The following GCN1 variants were observed in gnomAD, a reference collection of about 807,000 sequenced individuals.
GCN1 encodes GCN1 activator of EIF2AK4, also known as stalled ribosome sensor GCN1.
A neutral mutation model predicts 288.4 loss-of-function variants in GCN1; 90 were observed. That is an observed-to-expected ratio of 0.31 (90% confidence interval 0.26 to 0.37). The LOEUF is 0.37. GCN1 is among the 10% of genes least tolerant of loss of function. The pLI, the probability that GCN1 is intolerant of heterozygous loss-of-function variation, is 1.00. For missense variants in GCN1, 2,586 were observed against 3,419.9 expected (o/e 0.76, Z 6.08); for synonymous variants, 1,386 against 1,420.2 (o/e 0.98, Z 0.54).
Position 120,156,942 on chromosome 12 carries a change from C to T in GCN1, c.3138G>A (p.Trp1046Ter). The change falls in exon 27 of 58, where the codon TGG becomes TGA. Residue 1046 changes from tryptophan to a stop codon, truncating the protein, a stop_gained. Coordinates refer to ENST00000300648, the MANE Select transcript of GCN1 (RefSeq NM_006836.2). LOFTEE classifies it high-confidence loss of function. The surrounding 1 kb of genome is among the most constrained non-coding windows in gnomAD (Gnocchi z 5.8). ...AGCGAGGCGAGCCCGTCCCGATCAC[C>T]CAAGTCAGAAGACGCAGCATGGCCA... ...PRVAMLRLLTWVIGTGSPRLQ... is the reference protein window; with the variant it reads ...PRVAMLRLLT 1 of 1,613,200 alleles carries T rather than the reference C, an allele frequency of 6.2e-7. No individual in the cohort carries two copies. The highest frequency in any genetic ancestry group is 8.5e-7 in the Non-Finnish European group (1 of 1,179,282).
At position 120,162,007 on chromosome 12, in the gene GCN1, G is replaced by A; in HGVS notation, c.2215C>T (p.Leu739Phe). ...GTGATGGTGCTGATGAGCTGTGGGA[G>A]GACCCGGTCCGGCGACAGGACGGAA... ...SLSVLSPDRV[L>F]PQLISTITAS... is the part of the protein sequence containing the mutation. Residue 739 changes from leucine to phenylalanine, a missense_variant, in exon 21 of 58, where the codon CTC becomes TTC. Around this residue, in one of 8 missense-constraint regions of GCN1, gnomAD observed 913 missense variants for 1,107.0 expected, o/e 0.82. Transcript: ENST00000300648. The A allele has an allele frequency of 6.2e-7, 1 of 1,613,828 alleles. No homozygotes were observed. Among genetic ancestry groups the A allele is most frequent in the Non-Finnish European group, 8.5e-7 (1 of 1,180,020 alleles).
Position 120,127,635 on chromosome 12 carries a change from T to C in GCN1, c.*214A>G. On this transcript the variant is annotated 3_prime_UTR_variant, in exon 58 of 58. Coordinates refer to ENST00000300648, the MANE Select transcript of GCN1 (RefSeq NM_006836.2). The stretch of plus-strand genomic sequence containing the variant: ...TTGCTGAGGCGCATGCGTGTGCTTT[T>C]CCTTCTCTTCTCCACAGGAAAAGGT... 1.7e-6 allele frequency: 1 copy of C among 573,218 alleles called. No individual in the cohort carries two copies. The highest frequency in any genetic ancestry group is 3.1e-5 in the East Asian group (1 of 32,596). The allele number at this position is 573,218 out of a possible 1,614,324, so 35.5% of individuals were successfully genotyped here.
chr12:120,177,441 A>G lies in GCN1; in HGVS notation c.838+6T>C, dbSNP rs1231069886. 2 of 1,444,422 alleles carry G rather than the reference A, an allele frequency of 1.4e-6. No homozygotes were observed. The highest frequency in any genetic ancestry group is 1.9e-6 in the Non-Finnish European group (2 of 1,026,308). The allele number at this position is 1,444,422 out of a possible 1,614,324, so 89.5% of individuals were successfully genotyped here. On this transcript the variant is annotated splice_donor_region_variant and intron_variant, in intron 9 of 57. Coordinates refer to ENST00000300648, the MANE Select transcript of GCN1 (RefSeq NM_006836.2). ...CCTCCCACCATCCTGGTTGACAGCAACCTACTTTCAATAACATTCTCTGGA... is the reference window on the plus strand; with the variant it reads ...CCTCCCACCATCCTGGTTGACAGCAGCCTACTTTCAATAACATTCTCTGGA...
chr12:120,161,212 T>G (rs943087278), intron 22 of GCN1, among the ~76,000 whole-genome samples: 2 of 152,114 alleles, frequency 1.3e-5, no homozygotes, highest in Admixed American at 6.6e-5. Flanking sequence ...GGGACAGACA[T>G]GGAATCCAGC....
Position 120,142,538 on chromosome 12 carries a change from A to G in GCN1, c.5798T>C (p.Phe1933Ser). The G allele has an allele frequency of 6.2e-7, 1 of 1,613,982 alleles. No individual in the cohort carries two copies. The highest frequency in any genetic ancestry group is 8.5e-7 in the Non-Finnish European group (1 of 1,179,972). ...LPTLFGLLLG[F>S]LASTCADKRT... ...CTTATCTGCACACGTGCTGGCCAGG[A>G]AACCCAGCAGGAGCCCAAAGAGAGT... Residue 1933 changes from phenylalanine (F) to serine (S), a missense_variant, in exon 44 of 58, where the codon TTC becomes TCC. Coordinates refer to ENST00000300648, the MANE Select transcript of GCN1 (RefSeq NM_006836.2). This position sits in a 1 kb window ranked among gnomAD's most constrained non-coding sequence, Gnocchi z 4.9.
chr12:120,132,310 T>C (rs957612774), intron 53 of GCN1, among the ~76,000 whole-genome samples: 1 of 152,174 alleles, frequency 6.6e-6, no homozygotes, highest in Non-Finnish European at 1.5e-5. Context: ...AATAACTGTA[T>C]TTACATAGCA....
chr12:120,138,075 ATACTGTGCCAGG>A, intron 47 of GCN1, 31 bp from the exon 48 acceptor site: 1 of 1,587,818 alleles, frequency 6.3e-7, no homozygotes, highest in African/African-American at 1.3e-5. Context: ...AACTCAGTGA[ATACTGTGCCAGG>A]TGCTGCGCTA....
rs758298508 is a variant in GCN1, at chr12:120,168,311, C to T, written c.1520-11G>A. 6.6e-7 allele frequency: 1 copy of T among 1,505,278 alleles called. No homozygotes were observed. Among genetic ancestry groups the T allele is most frequent in the Non-Finnish European group, 9.3e-7 (1 of 1,080,634 alleles). The allele number at this position is 1,505,278 out of a possible 1,614,324, so 93.2% of individuals were successfully genotyped here. On this transcript the variant is annotated splice_polypyrimidine_tract_variant and intron_variant, in intron 15 of 57. Transcript: ENST00000300648. ...TGCTCAGTTTGGCCTCTGCAAGAAA[C>T]AAAAGGTTACCCCACGACGCAGCTC... is the stretch of plus-strand genomic sequence containing the variant.
At chr12:120,168,460 T>C (rs1466909060) in intron 15 of GCN1, 160 bp from the exon 16 acceptor site, 2 of 603,968 alleles carry the variant, frequency 3.3e-6, no homozygotes, top group Middle Eastern at 3.3e-4. Flanking sequence ...TCAGTCCTTC[T>C]GGTATCACCT....
In GCN1 at chr12:120,142,964, A is replaced by T. The variant is rs1278872910; in HGVS notation, c.5496-23T>A. 1 of 1,423,670 alleles carries T rather than the reference A, an allele frequency of 7.0e-7. No homozygotes were observed. The highest frequency in any genetic ancestry group is 1.4e-5 in the African/African-American group (1 of 71,318). The allele number at this position is 1,423,670 out of a possible 1,614,324, so 88.2% of individuals were successfully genotyped here. ...AACCTGAGAAGGAGGCCAACAACAC[A>T]GTCACACAGCTGCAAGGAGTGGGCT... On this transcript the variant is annotated intron_variant, in intron 42 of 57. Transcript: ENST00000300648. This position sits in a 1 kb window ranked among gnomAD's most constrained non-coding sequence, Gnocchi z 4.9.
chr12:120,128,338 CT>C lies in GCN1; in HGVS notation c.7891-365del, dbSNP rs111527973. Among the ~76,000 whole-genome samples, 727 of 141,050 alleles carry C rather than the reference CT, an allele frequency of 5.2e-3. 2 individuals are homozygous for C. Among genetic ancestry groups the C allele is most frequent in the African/African-American group, 9.4e-3 (364 of 38,804 alleles). The allele number at this position is 141,050 out of a possible 152,430, so 92.5% of individuals were successfully genotyped here. ...GGCAGTGGGAGTTGCAGCTTTTGGGCTTTTTTTTTTTTTGGAGATGGAGTTT... is the reference window on the plus strand; with the variant it reads ...GGCAGTGGGAGTTGCAGCTTTTGGGCTTTTTTTTTTTTGGAGATGGAGTTT... On this transcript the variant is annotated intron_variant, in intron 57 of 57. Coordinates refer to ENST00000300648, the MANE Select transcript of GCN1 (RefSeq NM_006836.2).
In GCN1 at chr12:120,137,130, C is replaced by T. The variant is rs867705871; in HGVS notation, c.6777+76G>A. On this transcript the variant is annotated intron_variant, in intron 50 of 57. Transcript: ENST00000300648. The surrounding 1 kb of genome is among the most constrained non-coding windows in gnomAD (Gnocchi z 5.2). Reference sequence around the variant, plus strand: ...CTGCTCCAGCAGCCCCTACCGCAGACCTGGGACAGGGGTAAGGGCCAGAAG... The same window carrying T: ...CTGCTCCAGCAGCCCCTACCGCAGATCTGGGACAGGGGTAAGGGCCAGAAG... The T allele has an allele frequency of 9.5e-6, 10 of 1,055,204 alleles. No homozygotes were observed. The South Asian group carries it at 1.1e-4, about 12-fold the overall frequency. The allele number at this position is 1,055,204 out of a possible 1,614,324, so 65.4% of individuals were successfully genotyped here.
intron 15 of GCN1, among the ~76,000 whole-genome samples, chr12:120,169,091 T>C (rs1878226216): frequency 6.6e-6 from 1 of 152,122 alleles, no homozygotes; most frequent in African/African-American, 2.4e-5. Flanking sequence ...GTGAGGAGAT[T>C]GAGACCATCC....
rs1230533864 is a variant in GCN1 at position 120,158,502 on chromosome 12, G to A, written c.2863C>T (p.His955Tyr). The change falls in exon 25 of 58, where the codon CAC becomes TAC. Residue 955 changes from histidine (H) to tyrosine (Y), a missense_variant. His to Tyr is a moderately conservative substitution (Grantham distance 83, BLOSUM62 2). Around this residue, in one of 8 missense-constraint regions of GCN1, gnomAD observed 153 missense variants for 252.0 expected, o/e 0.61. Transcript: ENST00000300648. This position sits in a 1 kb window ranked among gnomAD's most constrained non-coding sequence, Gnocchi z 4.3. ...VAVKRAVMLL[H>Y]THTITSRVGK... ...ACCCTGCTGGTGATGGTGTGGGTGTGCAGCAGCATCACCGCCCTCTTCACA... is the reference window on the plus strand; with the variant it reads ...ACCCTGCTGGTGATGGTGTGGGTGTACAGCAGCATCACCGCCCTCTTCACA... 2 of 1,565,848 alleles carry A rather than the reference G, an allele frequency of 1.3e-6. No individual in the cohort carries two copies. The highest frequency in any genetic ancestry group is 1.9e-5 in the Admixed American group (1 of 52,606).
intron 5 of GCN1, among the ~76,000 whole-genome samples, 199 bp from the exon 6 acceptor site, chr12:120,179,149 A>G (rs973805770): frequency 6.6e-6 from 1 of 151,918 alleles, no homozygotes; most frequent in African/African-American, 2.4e-5. Flanking sequence ...CACTGTTCCC[A>G]CTAGTGTTCG....
rs1354026280 is a variant in GCN1 at position 120,137,437 on chromosome 12, G to A, written c.6663+108C>T. 1.2e-5 allele frequency: 17 copies of A among 1,419,846 alleles called. No individual in the cohort carries two copies. The highest frequency in any genetic ancestry group is 2.8e-5 in the African/African-American group (2 of 70,922). 88.0% of individuals were successfully genotyped at this position (1,419,846 alleles called of 1,614,324 possible). ...CAAGACTTGCCACGAGTGGGTAAAC[G>A]CCGAAGCTGAGTGACAGGTACGTGG... On this transcript the variant is annotated intron_variant, in intron 49 of 57. Transcript: ENST00000300648. The surrounding 1 kb of genome is among the most constrained non-coding windows in gnomAD (Gnocchi z 5.2).
At position 120,178,718 on chromosome 12, in the gene GCN1, G is replaced by A. The variant is rs1255003329; in HGVS notation, c.567C>T (p.Ser189=). The A allele has an allele frequency of 1.2e-6, 2 of 1,614,170 alleles. No homozygotes were observed. Among genetic ancestry groups the A allele is most frequent in the Non-Finnish European group, 1.7e-6 (2 of 1,179,952 alleles). Residue 189 remains serine (S), a synonymous_variant, in exon 7 of 58, where the codon AGC becomes AGT. Coordinates refer to ENST00000300648, the MANE Select transcript of GCN1 (RefSeq NM_006836.2). ...CAGCATAGTTCTGGTTGGGCTCTAG[G>A]CTGAGAATGGCTGACAAGTACTGTT... ...LVEQYLSAIL[S]LEPNQNYAGM... is the part of the protein sequence containing the mutation.
chr12:120,187,900 A>T (rs540715013), intron 2 of GCN1, among the ~76,000 whole-genome samples: 3 of 151,994 alleles, frequency 2.0e-5, no homozygotes, highest in Admixed American at 6.6e-5. Context: ...AAAAAAAAAA[A>T]ACAAAAAACT....
chr12:120,160,253 C>T lies in GCN1; in HGVS notation c.2439G>A (p.Glu813=), dbSNP rs1877883410. ...CTTTGATGCCTTTCTTCTTCTTTATCTCCTAAAGAGGATGGGCAAACCAAC... is the reference window on the plus strand; with the variant it reads ...CTTTGATGCCTTTCTTCTTCTTTATTTCCTAAAGAGGATGGGCAAACCAAC... The part of the protein sequence containing the change: ...EQIIELELKE[E]IKKKKGIKEE... The change falls in exon 23 of 58, where the codon GAG becomes GAA. Residue 813 remains glutamate (E), a splice_region_variant and synonymous_variant. Coordinates refer to ENST00000300648, the MANE Select transcript of GCN1 (RefSeq NM_006836.2). The T allele has an allele frequency of 1.2e-6, 2 of 1,604,044 alleles. No individual in the cohort carries two copies. Among genetic ancestry groups the T allele is most frequent in the Non-Finnish European group, 8.5e-7 (1 of 1,172,748 alleles).
Sources: gnomAD v4.1 joint callset for allele counts (sites outside exome capture counted in the v4.1 genomes callset) on GRCh38, gnomAD v4.1.1 for gene constraint, gnomAD v4.1.1 regional missense constraint, Gnocchi (gnomAD v3.1) non-coding constraint, MANE v1.5 for transcripts, NCBI Gene and HGNC (gene_info 2026-07-23, HGNC 2026-07-21) for gene names.